CDK13: variants seen among roughly 807,000 people sequenced by gnomAD.
The protein encoded by CDK13 is cyclin dependent kinase 13.
A neutral mutation model predicts 137.6 loss-of-function variants in CDK13; 40 were observed. The ratio of observed to expected loss-of-function variants is 0.29; its 90% CI spans 0.23 to 0.38. CDK13 has a LOEUF of 0.38. CDK13 is among the 10% of genes least tolerant of loss of function. CDK13 has a pLI of 1.00. For synonymous variants in CDK13, 869 were observed against 760.1 expected (o/e 1.14, Z -2.36); for missense variants, 1,704 against 1,951.8 (o/e 0.87, Z 2.39).
At chr7:40,050,810 T>G (rs1785869463) in intron 7 of CDK13, among the ~76,000 whole-genome samples, 1 of 152,230 alleles carries the variant, frequency 6.6e-6, no homozygotes. Flanking sequence ...TTGCTTAATA[T>G]AAGTTTGTGT....
At position 39,950,620 on chromosome 7, in the gene CDK13, GC is replaced by G; in HGVS notation, c.-21del. The G allele has an allele frequency of 1.6e-6, 2 of 1,289,074 alleles. No homozygotes were observed. The highest frequency in any genetic ancestry group is 2.0e-6 in the Non-Finnish European group (2 of 1,018,592). 79.9% of individuals were successfully genotyped at this position (1,289,074 alleles called of 1,614,324 possible). On this transcript the variant is annotated 5_prime_UTR_variant, in exon 1 of 14. Transcript: ENST00000181839. Reference sequence around the variant, plus strand: ...CGGGAGGAGGCCGCACCCGCGCCGCGCTCTGCGGCTGGCTCTAGGCGATGCC... The same window carrying G: ...CGGGAGGAGGCCGCACCCGCGCCGCGTCTGCGGCTGGCTCTAGGCGATGCC...
intron 7 of CDK13, among the ~76,000 whole-genome samples, chr7:40,051,925 T>C (rs953487286): frequency 6.6e-6 from 1 of 152,128 alleles, no homozygotes; most frequent in South Asian, 2.1e-4. Context: ...AACTTGAGAA[T>C]AGAGATTTTT....
chr7:40,075,947 A>G (rs560711553), intron 9 of CDK13, among the ~76,000 whole-genome samples: 1 of 152,094 alleles, frequency 6.6e-6, no homozygotes, highest in Non-Finnish European at 1.5e-5. Context: ...GTTCCTCCCA[A>G]ATGTCTATAC....
intron 12 of CDK13, among the ~76,000 whole-genome samples, chr7:40,091,380 G>A (rs1406892354): frequency 6.6e-6 from 1 of 151,792 alleles, no homozygotes; most frequent in Non-Finnish European, 1.5e-5. Flanking sequence ...AATTAGCCAG[G>A]CATGGTGGCA....
intron 1 of CDK13, among the ~76,000 whole-genome samples, chr7:39,953,872 T>G (rs1009279018): frequency 1.3e-5 from 2 of 152,214 alleles, no homozygotes; most frequent in African/African-American, 4.8e-5. Context: ...TCACTAGATT[T>G]GGGACTTGAG....
intron 1 of CDK13, among the ~76,000 whole-genome samples, chr7:39,972,256 T>A (rs1784015923): frequency 6.6e-6 from 1 of 152,226 alleles, no homozygotes; most frequent in South Asian, 2.1e-4. Context: ...AGGAAGTGTA[T>A]TTTTAGAATA....
Position 40,094,188 on chromosome 7 carries a change from A to T in CDK13, c.3747A>T (p.Pro1249=). The T allele has an allele frequency of 6.2e-7, 1 of 1,614,104 alleles. No homozygotes were observed. Among genetic ancestry groups the T allele is most frequent in the Non-Finnish European group, 8.5e-7 (1 of 1,180,006 alleles). ...GGATCTTGGAGCTAACGCCAGAACCAGACCGGCCTCGAATTCTGCCTCCTG... is the reference window on the plus strand; with the variant it reads ...GGATCTTGGAGCTAACGCCAGAACCTGACCGGCCTCGAATTCTGCCTCCTG... ...DMRILELTPE[P]DRPRILPPDQ... Residue 1249 remains proline, a synonymous_variant, in exon 14 of 14, where the codon CCA becomes CCT. Transcript: ENST00000181839.
Position 39,987,954 on chromosome 7 carries a change from G to A in CDK13, c.1567G>A (p.Ala523Thr), listed in dbSNP as rs1784375253. The change falls in exon 2 of 14, where the codon GCA (alanine) becomes ACA (threonine). Residue 523 changes from alanine to threonine, a missense_variant. Around this residue, in one of 5 missense-constraint regions of CDK13, gnomAD observed 1,051 missense variants for 931.0 expected, o/e 1.13. Transcript: ENST00000181839. ...TGTGAAGAAAATTAAAATTGAACAT[G>A]CACCTTCTCCCTCAAGTGGTGGAAC... ...KDVKKIKIEH[A>T]PSPSSGGTLK... The A allele has an allele frequency of 1.2e-6, 2 of 1,614,134 alleles. No homozygotes were observed. The highest frequency in any genetic ancestry group is 2.2e-5 in the East Asian group (1 of 44,886).
intron 2 of CDK13, among the ~76,000 whole-genome samples, chr7:39,995,112 T>C (rs915918812): frequency 1.3e-5 from 2 of 152,118 alleles, no homozygotes; most frequent in African/African-American, 4.8e-5. Context: ...AGGCATTTTA[T>C]TTTTGTTGCT....
chr7:40,063,127 G>A (rs568848552), intron 9 of CDK13, 27 bp downstream of exon 9: 1 of 1,521,210 alleles, frequency 6.6e-7, no homozygotes, highest in African/African-American at 1.4e-5. Context: ...AATATTGGTG[G>A]GAATTGGGAG....
Position 39,988,267 on chromosome 7 carries a change from A to G in CDK13, c.1871+9A>G. ...GATAAAGAAGCTGATAGGTAAGTGC[A>G]AAAAGTATTTGTCAATAACTGTTCA... On this transcript the variant is annotated intron_variant, in intron 2 of 13. Coordinates refer to ENST00000181839, the MANE Select transcript of CDK13 (RefSeq NM_003718.5). 1.3e-6 allele frequency: 2 copies of G among 1,581,946 alleles called. No individual in the cohort carries two copies. The highest frequency in any genetic ancestry group is 1.7e-6 in the Non-Finnish European group (2 of 1,168,290).
intron 1 of CDK13, among the ~76,000 whole-genome samples, chr7:39,962,883 C>T (rs1783781448): frequency 1.3e-5 from 2 of 152,190 alleles, no homozygotes; most frequent in African/African-American, 4.8e-5. Context: ...AATAGGGAAT[C>T]CTTTCCCCAT....
chr7:40,089,691 TATAAA>T (rs1342230926), intron 12 of CDK13, among the ~76,000 whole-genome samples: 2 of 149,016 alleles, frequency 1.3e-5, no homozygotes, highest in Admixed American at 6.7e-5. Flanking sequence ...CAGAGACTGA[TATAAA>T]ATAGAGAGAG....
chr7:39,988,286 C>T, intron 2 of CDK13, 28 bp downstream of exon 2: 1 of 1,534,204 alleles, frequency 6.5e-7, no homozygotes, highest in African/African-American at 1.4e-5. Context: ...TTGTCAATAA[C>T]TGTTCAAAGA....
At chr7:40,060,097 T>C (rs1026316491) in intron 7 of CDK13, among the ~76,000 whole-genome samples, 1 of 152,190 alleles carries the variant, frequency 6.6e-6, no homozygotes, top group Non-Finnish European at 1.5e-5. Flanking sequence ...TAATAAAAAG[T>C]ATATTCTAGT....
chr7:39,950,407 G>GGT lies in CDK13; in HGVS notation c.-235_-234insGT. 1 of 1,231,180 alleles carries GGT rather than the reference G, an allele frequency of 8.1e-7. No individual in the cohort carries two copies. Among genetic ancestry groups the GGT allele is most frequent in the Non-Finnish European group, 1.0e-6 (1 of 987,544 alleles). The allele number at this position is 1,231,180 out of a possible 1,614,324, so 76.3% of individuals were successfully genotyped here. ...AGGATAGGACGACGAGCGCAATCGG[G>GGT]AGCTCCGCCGCCCGGATTCCTGCTT... On this transcript the variant is annotated 5_prime_UTR_variant, in exon 1 of 14. Transcript: ENST00000181839.
At chr7:40,061,545 G>C (rs1406648577) in intron 7 of CDK13, 4 of 152,186 alleles carry the variant, frequency 2.6e-5, no homozygotes, top group African/African-American at 9.7e-5. Context: ...TCCTTAACAA[G>C]ACTGGTCCAG....
At chr7:40,014,526 C>G (rs1217271659) in intron 5 of CDK13, among the ~76,000 whole-genome samples, 1 of 149,406 alleles carries the variant, frequency 6.7e-6, no homozygotes, top group Non-Finnish European at 1.5e-5. Context: ...ATCATCTCAG[C>G]TCACTGCAGC....
chr7:39,975,466 A>C (rs188634814), intron 1 of CDK13, among the ~76,000 whole-genome samples: 40 of 152,290 alleles, frequency 2.6e-4, no homozygotes, highest in Admixed American at 3.9e-4. Context: ...ATATGTGAGC[A>C]TATATTAATA....
Sources: allele counts gnomAD v4.1 joint callset (sites outside exome capture counted in the v4.1 genomes callset), GRCh38; gene constraint gnomAD v4.1.1; regional missense constraint gnomAD v4.1.1; transcripts MANE v1.5; gene names NCBI Gene and HGNC (gene_info 2026-07-23, HGNC 2026-07-21).